Variants in DPP6 observed in about 807,000 individuals in gnomAD.
The protein encoded by DPP6 is dipeptidyl peptidase like 6, also known as A-type potassium channel modulatory protein DPP6.
In DPP6, 69 loss-of-function variants were observed where a neutral mutation model predicts 122.6. That is an observed-to-expected ratio of 0.56 (90% CI 0.46 to 0.69). DPP6 has a LOEUF of 0.69. Among genes scored for constraint, DPP6 ranks in the 30% least tolerant of loss-of-function variants. The probability of loss-of-function intolerance (pLI) is 0.00; values close to 1 mark genes in which losing one functional copy is unlikely to be tolerated. For synonymous variants in DPP6, 418 were observed against 433.1 expected (o/e 0.97, Z 0.43); for missense variants, 928 against 1,116.9 (o/e 0.83, Z 2.41).
At chr7:154,097,815 G>T (rs117622962) in intron 1 of DPP6, among the ~76,000 whole-genome samples, 6,690 of 151,836 alleles carry the variant, frequency 0.044, no homozygotes, top group East Asian at 0.22. Context: ...TCTGGCAGGA[G>T]GCCTCGGGTG....
chr7:154,768,285 C>T (rs1197088889), intron 8 of DPP6, among the ~76,000 whole-genome samples: 1 of 152,250 alleles, frequency 6.6e-6, no homozygotes, highest in African/African-American at 2.4e-5. Context: ...CTGTGCCCTC[C>T]TGTGGGCAGT....
chr7:153,944,970 T>A (rs1024918705), intron 1 of DPP6, among the ~76,000 whole-genome samples: 1 of 152,148 alleles, frequency 6.6e-6, no homozygotes, highest in Non-Finnish European at 1.5e-5. Flanking sequence ...CGCTTTGCGT[T>A]CTCTGTTCCT....
At position 154,623,651 on chromosome 7, in the gene DPP6, A is replaced by ATGCACCCACGCG. The variant is rs1554413317; in HGVS notation, c.628-14170_628-14169insTGCACCCACGCG. 7.2e-4 allele frequency among the ~76,000 whole-genome samples: 104 copies of ATGCACCCACGCG among 144,778 alleles called. 1 individual carries two copies. Among genetic ancestry groups the ATGCACCCACGCG allele is most frequent in the Admixed American group, 3.5e-3 (52 of 14,896 alleles). The allele number at this position is 144,778 out of a possible 152,430, so 95.0% of individuals were successfully genotyped here. A position where few individuals can be genotyped will look rare whatever the true frequency, so the allele number is the denominator to read the frequency against. The stretch of plus-strand genomic sequence containing the variant: ...CACATGCGTGCACACACGCGCACAC[A>ATGCACCCACGCG]CGCGCACACACACGCACACACACAC... On this transcript the variant is annotated intron_variant, in intron 5 of 25. Coordinates refer to ENST00000377770, the MANE Select transcript of DPP6 (RefSeq NM_130797.4).
the DPP6 span, among the ~76,000 whole-genome samples, chr7:153,833,410 A>C: frequency 2.0e-5 from 3 of 152,244 alleles, no homozygotes; most frequent in Admixed American, 2.0e-4. Flanking sequence ...ATGGTGGCCC[A>C]CACCTGTAAT....
the DPP6 span, among the ~76,000 whole-genome samples, chr7:153,808,977 C>T: frequency 1.3e-5 from 2 of 152,036 alleles, no homozygotes; most frequent in African/African-American, 2.4e-5. Context: ...CTCCATACTA[C>T]TTTCCATAAT....
chr7:154,383,550 A>G (rs1813814718), intron 1 of DPP6, among the ~76,000 whole-genome samples: 1 of 152,192 alleles, frequency 6.6e-6, no homozygotes, highest in Non-Finnish European at 1.5e-5. Context: ...ATGAAAAAAT[A>G]TGGTGGAAGA....
chr7:154,636,898 A>G (rs181328200), intron 5 of DPP6, among the ~76,000 whole-genome samples: 109 of 152,254 alleles, frequency 7.2e-4, no homozygotes, highest in Non-Finnish European at 7.5e-4. Flanking sequence ...GTGGTTTTAA[A>G]TGTTGGTCAC....
At chr7:153,812,560 C>G in the DPP6 span, among the ~76,000 whole-genome samples, 16 of 152,056 alleles carry the variant, frequency 1.1e-4, no homozygotes, top group African/African-American at 3.6e-4. Context: ...AAATGCTAAG[C>G]TCTGATTGGA....
the DPP6 span, among the ~76,000 whole-genome samples, chr7:153,823,875 G>A: frequency 7.2e-5 from 11 of 152,116 alleles, no homozygotes; most frequent in South Asian, 2.1e-4. Flanking sequence ...GGGGATTTTC[G>A]GAAGATGCTT....
chr7:154,522,698 G>GA (rs11392124), intron 3 of DPP6, among the ~76,000 whole-genome samples: 60,183 of 151,206 alleles, frequency 0.4, 12,216 homozygotes, highest in African/African-American at 0.42. Context: ...CCAGACACGA[G>GA]AAAAAAAAAT....
intron 1 of DPP6, among the ~76,000 whole-genome samples, chr7:154,184,272 T>C (rs1433469244): frequency 6.6e-6 from 1 of 151,300 alleles, no homozygotes; most frequent in Non-Finnish European, 1.5e-5. Context: ...AAAAAGAATG[T>C]AGAACCATTT....
intron 5 of DPP6, among the ~76,000 whole-genome samples, chr7:154,578,762 G>A (rs1176803360): frequency 2.6e-5 from 4 of 152,136 alleles, no homozygotes; most frequent in South Asian, 2.1e-4. Context: ...GTGCCTGTCC[G>A]TGAGGGTAGG....
intron 10 of DPP6, among the ~76,000 whole-genome samples, chr7:154,773,406 A>C (rs1225315937): frequency 6.6e-6 from 1 of 152,260 alleles, no homozygotes; most frequent in Non-Finnish European, 1.5e-5. Flanking sequence ...GGAAGGTATT[A>C]ACAATGTTAT....
At chr7:154,728,687 T>C (rs751443436) in intron 8 of DPP6, among the ~76,000 whole-genome samples, 5 of 152,228 alleles carry the variant, frequency 3.3e-5, no homozygotes, top group Admixed American at 6.5e-5. Flanking sequence ...TATGTATTTC[T>C]CACAGCTCTG....
At chr7:154,620,931 C>T (rs748240041) in intron 5 of DPP6, among the ~76,000 whole-genome samples, 1 of 152,186 alleles carries the variant, frequency 6.6e-6, no homozygotes, top group African/African-American at 2.4e-5. Context: ...CAAATTAATG[C>T]CATTTTAGGA....
intron 1 of DPP6, among the ~76,000 whole-genome samples, chr7:154,305,766 T>TCCCTGGCTTCTCTCTCTAAAGGGCG (rs1806284306): frequency 1.3e-5 from 2 of 152,056 alleles, no homozygotes; most frequent in Non-Finnish European, 2.9e-5. Flanking sequence ...GGCTCTCCTC[T>TCCCTGGCTTCTCTCTCTAAAGGGCG]CCCTGGCTTC....
chr7:153,863,802 G>T, the DPP6 span, among the ~76,000 whole-genome samples: 73 of 151,738 alleles, frequency 4.8e-4, no homozygotes, highest in East Asian at 0.014. Context: ...TATTCTGCAC[G>T]TTTCGTATAA....
At position 153,894,821 on chromosome 7, in the gene DPP6, A is replaced by T. The variant is rs537002761; in HGVS notation, c.51+7087A>T. On this transcript the variant is annotated intron_variant, in intron 1 of 25. Coordinates refer to the DPP6 transcript ENST00000404039. The stretch of plus-strand genomic sequence containing the variant: ...TGCAGAACCAGTGGATCAGAGGCAA[A>T]TTTTTTGAATAAATATTGCCATCAA... 3.9e-5 allele frequency among the ~76,000 whole-genome samples: 6 copies of T among 152,254 alleles called. No individual in the cohort carries two copies. The East Asian group carries it at 9.6e-4, about 24-fold the overall frequency.
At chr7:154,031,005 A>G (rs1390104270) in intron 1 of DPP6, among the ~76,000 whole-genome samples, 1 of 152,024 alleles carries the variant, frequency 6.6e-6, no homozygotes, top group Non-Finnish European at 1.5e-5. Context: ...AACGTTGGTT[A>G]CTAGCTCAGC....
Sources: gnomAD v4.1 joint callset for allele counts (sites outside exome capture counted in the v4.1 genomes callset) on GRCh38, gnomAD v4.1.1 for gene constraint, MANE v1.5 for transcripts, NCBI Gene and HGNC (gene_info 2026-07-23, HGNC 2026-07-21) for gene names.